The following GPM6A variants were observed in gnomAD, a reference collection of about 807,000 sequenced individuals.
GPM6A encodes neuronal membrane glycoprotein M6-a.
In GPM6A, 7 loss-of-function variants were observed where a neutral mutation model predicts 32.1. The observed-to-expected ratio is 0.22, with a 90% CI of 0.12 to 0.41. The LOEUF (loss-of-function observed/expected upper bound fraction) is 0.41. GPM6A is among the 10% of genes least tolerant of loss of function. The pLI is 1.00. For synonymous variants in GPM6A, 130 were observed against 123.4 expected, an observed-to-expected ratio of 1.05 and a Z score of -0.35; for missense variants, 235 against 347.2, an observed-to-expected ratio of 0.68 and a Z score of 2.57.
intron 1 of GPM6A, among the ~76,000 whole-genome samples, chr4:175,702,211 T>C (rs999289993): frequency 6.6e-6 from 1 of 152,220 alleles, no homozygotes. Flanking sequence ...GTCATAGTTA[T>C]ACAAGTTTTG....
intron 1 of GPM6A, among the ~76,000 whole-genome samples, chr4:175,845,786 T>C (rs945351216): frequency 6.6e-6 from 1 of 152,130 alleles, no homozygotes; most frequent in African/African-American, 2.4e-5. Flanking sequence ...TCCTTTTTAG[T>C]ATTGTCAAGA....
intron 1 of GPM6A, among the ~76,000 whole-genome samples, chr4:175,954,142 A>T (rs1173265018): frequency 6.6e-6 from 1 of 152,196 alleles, no homozygotes; most frequent in Non-Finnish European, 1.5e-5. Context: ...GAGAAGGTAG[A>T]CACTAGTCAC....
intron 3 of GPM6A, among the ~76,000 whole-genome samples, chr4:175,669,690 G>A (rs1266968985): frequency 6.6e-6 from 1 of 152,134 alleles, no homozygotes; most frequent in Admixed American, 6.5e-5. Context: ...ACTGTTATGA[G>A]TTGAATTGTG....
At chr4:175,781,401 G>C (rs924085466) in intron 1 of GPM6A, 1 of 152,150 alleles carries the variant, frequency 6.6e-6, no homozygotes, top group Non-Finnish European at 1.5e-5. Flanking sequence ...CAGATTTCAT[G>C]TATCATTAAT....
chr4:175,637,304 TTATATATAATATAA>T lies in GPM6A; in HGVS notation c.685-2261_685-2248del, dbSNP rs1740748191. On this transcript the variant is annotated intron_variant, in intron 6 of 6. Transcript: ENST00000393658. The stretch of plus-strand genomic sequence containing the variant: ...TATTATATAAAATATATATTATATA[TTATATATAATATAA>T]AATATATATTATATATTATATATTA... 2.3e-4 allele frequency among the ~76,000 whole-genome samples: 9 copies of T among 38,952 alleles called. 1 individual carries two copies. The highest frequency in any genetic ancestry group is 2.8e-3 in the East Asian group (2 of 710). The allele number at this position is 38,952 out of a possible 152,430, so 25.6% of individuals were successfully genotyped here. A position where few individuals can be genotyped will look rare whatever the true frequency, so the allele number is the denominator to read the frequency against.
At chr4:175,712,904 A>C (rs558032731) in intron 1 of GPM6A, among the ~76,000 whole-genome samples, 1 of 152,334 alleles carries the variant, frequency 6.6e-6, no homozygotes, top group Admixed American at 6.5e-5. Flanking sequence ...AAAAATTCCC[A>C]AAAACATCGT....
intron 4 of GPM6A, among the ~76,000 whole-genome samples, chr4:175,643,639 C>T (rs998821119): frequency 2.0e-5 from 3 of 152,014 alleles, no homozygotes; most frequent in East Asian, 1.9e-4. Flanking sequence ...CCCAACTCAC[C>T]GCCCACCAAG....
intron 1 of GPM6A, among the ~76,000 whole-genome samples, chr4:175,803,423 T>A (rs1734557640): frequency 6.6e-6 from 1 of 152,140 alleles, no homozygotes; most frequent in Admixed American, 6.5e-5. Context: ...TAATTCTGAC[T>A]CTCTGACTCA....
At chr4:175,733,426 C>T (rs941246218) in intron 1 of GPM6A, among the ~76,000 whole-genome samples, 1 of 152,122 alleles carries the variant, frequency 6.6e-6, no homozygotes, top group African/African-American at 2.4e-5. Context: ...TCACTTGAAC[C>T]TGGGAGACGG....
At chr4:175,847,206 A>G (rs935704062) in intron 1 of GPM6A, among the ~76,000 whole-genome samples, 1 of 152,182 alleles carries the variant, frequency 6.6e-6, no homozygotes, top group South Asian at 2.1e-4. Context: ...CTTTCAGTCT[A>G]GAAACAAAGT....
intron 1 of GPM6A, among the ~76,000 whole-genome samples, chr4:175,865,537 ATAT>A (rs1222828548): frequency 6.6e-6 from 1 of 152,196 alleles, no homozygotes; most frequent in African/African-American, 2.4e-5. Context: ...CATCTTAACA[ATAT>A]TGAGTTTTCC....
chr4:175,842,120 G>T (rs1471921159), intron 1 of GPM6A, among the ~76,000 whole-genome samples: 1 of 151,896 alleles, frequency 6.6e-6, no homozygotes, highest in Non-Finnish European at 1.5e-5. Context: ...AAAATATTTT[G>T]AAAAAGATAG....
chr4:175,835,358 G>C (rs1735732438), intron 1 of GPM6A, among the ~76,000 whole-genome samples: 1 of 151,970 alleles, frequency 6.6e-6, no homozygotes, highest in Non-Finnish European at 1.5e-5. Context: ...CTGTCTTGGG[G>C]AACCAGACAG....
intron 1 of GPM6A, among the ~76,000 whole-genome samples, chr4:175,822,067 G>A (rs1735293572): frequency 6.6e-6 from 1 of 152,042 alleles, no homozygotes; most frequent in Non-Finnish European, 1.5e-5. Flanking sequence ...GTTTAAATAA[G>A]TTCCCTTCTA....
intron 1 of GPM6A, among the ~76,000 whole-genome samples, chr4:175,735,976 G>C (rs568050253): frequency 2.0e-5 from 3 of 152,212 alleles, no homozygotes; most frequent in Admixed American, 1.3e-4. Flanking sequence ...TCTAAATTCG[G>C]TTTCATCCAC....
At chr4:175,894,598 T>C (rs910362813) in intron 1 of GPM6A, among the ~76,000 whole-genome samples, 1 of 152,158 alleles carries the variant, frequency 6.6e-6, no homozygotes, top group Non-Finnish European at 1.5e-5. Flanking sequence ...TCTACCCTTC[T>C]ACCTTTCATC....
At chr4:175,882,117 CAATT>C (rs1168110012) in intron 1 of GPM6A, among the ~76,000 whole-genome samples, 1 of 151,920 alleles carries the variant, frequency 6.6e-6, no homozygotes, top group East Asian at 1.9e-4. Context: ...TCATTGTAAT[CAATT>C]AATCAATTTT....
At chr4:175,636,523 C>T (rs150027862) in intron 6 of GPM6A, among the ~76,000 whole-genome samples, 5,340 of 150,518 alleles carry the variant, frequency 0.035, 143 homozygotes, top group Admixed American at 0.069. Flanking sequence ...AGGCCAGGTG[C>T]GGTGGCTCAC....
At chr4:175,830,163 T>A (rs1041733263) in intron 1 of GPM6A, among the ~76,000 whole-genome samples, 6 of 152,072 alleles carry the variant, frequency 3.9e-5, no homozygotes, top group African/African-American at 1.4e-4. Flanking sequence ...TCAACAAAGA[T>A]CTATCGTTGG....
Sources: allele counts gnomAD v4.1 joint callset (sites outside exome capture counted in the v4.1 genomes callset), GRCh38; gene constraint gnomAD v4.1.1; transcripts MANE v1.5; gene names NCBI Gene and HGNC (gene_info 2026-07-23, HGNC 2026-07-21).